Variants in MOB1B observed in about 807,000 individuals in gnomAD.
MOB1B encodes the protein MOB kinase activator 1B.
MOB1B carries 19 observed loss-of-function variants against 24.4 expected under a neutral mutation model. That is an observed-to-expected ratio of 0.78 (90% CI 0.54 to 1.14). The LOEUF is 1.14. Ranked by LOEUF, MOB1B falls within the 50% of genes most tolerant of loss-of-function variation. The pLI, the probability that MOB1B is intolerant of heterozygous loss-of-function variation, is 0.00. For missense variants in MOB1B, 243 were observed against 259.6 expected (o/e 0.94, Z 0.44); for synonymous variants, 76 against 82.1 (o/e 0.93, Z 0.40).
intron 2 of MOB1B, among the ~76,000 whole-genome samples, chr4:70,966,514 A>G (rs1738536544): frequency 6.6e-6 from 1 of 151,954 alleles, no homozygotes; most frequent in Non-Finnish European, 1.5e-5. Context: ...AGCTGGGATT[A>G]CAGGCATGCG....
chr4:70,926,080 T>A (rs1035091244), intron 1 of MOB1B, among the ~76,000 whole-genome samples: 1 of 152,152 alleles, frequency 6.6e-6, no homozygotes, highest in Admixed American at 6.5e-5. Context: ...CTCAACCTCC[T>A]GGGCTCGTGA....
At chr4:70,945,539 G>T (rs1737538580) in intron 1 of MOB1B, among the ~76,000 whole-genome samples, 1 of 152,162 alleles carries the variant, frequency 6.6e-6, no homozygotes, top group African/African-American at 2.4e-5. Flanking sequence ...AGGCCTATTT[G>T]TATAAGCTGA....
chr4:70,903,420 G>T (rs1477119710), intron 1 of MOB1B, among the ~76,000 whole-genome samples: 3 of 152,174 alleles, frequency 2.0e-5, no homozygotes, highest in Non-Finnish European at 4.4e-5. Flanking sequence ...AGAAGGATGG[G>T]ATGGCCAGAT....
chr4:70,942,635 A>T (rs1481786708), intron 1 of MOB1B, among the ~76,000 whole-genome samples: 1 of 152,188 alleles, frequency 6.6e-6, no homozygotes, highest in Non-Finnish European at 1.5e-5. Flanking sequence ...GTTTTATCTA[A>T]AAGATATGTC....
chr4:70,931,665 A>G (rs1396240690), intron 1 of MOB1B, among the ~76,000 whole-genome samples: 1 of 152,228 alleles, frequency 6.6e-6, no homozygotes, highest in East Asian at 1.9e-4. Flanking sequence ...GTATAAATAC[A>G]TTCTGGTGAG....
intron 2 of MOB1B, among the ~76,000 whole-genome samples, chr4:70,968,736 T>C (rs1481016882): frequency 6.6e-6 from 1 of 152,190 alleles, no homozygotes; most frequent in Non-Finnish European, 1.5e-5. Flanking sequence ...TGTCTCAGCC[T>C]TCTGAATGGT....
intron 5 of MOB1B, among the ~76,000 whole-genome samples, chr4:70,980,065 G>A (rs181268924): frequency 3.0e-4 from 46 of 152,238 alleles, no homozygotes; most frequent in African/African-American, 9.9e-4. Context: ...TCTTGAATTC[G>A]TGTTGTTTTT....
intron 1 of MOB1B, among the ~76,000 whole-genome samples, chr4:70,945,338 G>A (rs767578375): frequency 4.6e-5 from 7 of 152,276 alleles, no homozygotes; most frequent in Non-Finnish European, 8.8e-5. Context: ...GATTGCTTTC[G>A]TGATTTTTGT....
chr4:70,982,166 G>C lies in MOB1B; in HGVS notation c.*109G>C, dbSNP rs561511665. ...GGATTGTTTTTGTCCTAGGTTTGGGGGCGGGGGCTTGTTTGGGTTCCTTTT... is the reference window on the plus strand; with the variant it reads ...GGATTGTTTTTGTCCTAGGTTTGGGCGCGGGGGCTTGTTTGGGTTCCTTTT... On this transcript the variant is annotated 3_prime_UTR_variant, in exon 6 of 6. Transcript: ENST00000309395. The C allele has an allele frequency of 2.8e-6, 2 of 714,932 alleles. No individual in the cohort carries two copies. The highest frequency in any genetic ancestry group is 3.6e-5 in the African/African-American group (2 of 55,706). The allele number at this position is 714,932 out of a possible 1,614,324, so 44.3% of individuals were successfully genotyped here. A position where few individuals can be genotyped will look rare whatever the true frequency, so the allele number is the denominator to read the frequency against.
intron 1 of MOB1B, among the ~76,000 whole-genome samples, chr4:70,940,058 G>A (rs1350761847): frequency 6.6e-6 from 1 of 151,924 alleles, no homozygotes; most frequent in Non-Finnish European, 1.5e-5. Flanking sequence ...CTGTCCTGCC[G>A]GTGTGCTCCA....
At chr4:70,941,941 T>C (rs933093391) in intron 1 of MOB1B, among the ~76,000 whole-genome samples, 3 of 152,172 alleles carry the variant, frequency 2.0e-5, no homozygotes, top group African/African-American at 7.2e-5. Flanking sequence ...TTAAACCTCT[T>C]GATTAGAATG....
At position 70,924,493 on chromosome 4, in the gene MOB1B, T is replaced by A. The variant is rs192512228; in HGVS notation, c.14+21943T>A. On this transcript the variant is annotated intron_variant, in intron 1 of 5. Coordinates refer to ENST00000309395, the MANE Select transcript of MOB1B (RefSeq NM_173468.4). ...CATCAAGAACCAACTATTTTTTTTTTAAATTATACTTTAAGTTCTAGGGTA... is the reference window on the plus strand; with the variant it reads ...CATCAAGAACCAACTATTTTTTTTTAAAATTATACTTTAAGTTCTAGGGTA... Among the ~76,000 whole-genome samples, 418 of 152,278 alleles carry A rather than the reference T, an allele frequency of 2.7e-3. 2 individuals carry two copies. Among genetic ancestry groups the A allele is most frequent in the African/African-American group, 8.1e-3 (337 of 41,554 alleles).
intron 4 of MOB1B, chr4:70,976,262 T>C: frequency 1.0e-6 from 1 of 984,296 alleles, no homozygotes; most frequent in Non-Finnish European, 1.2e-6. Flanking sequence ...ATTGAGTAGA[T>C]TGCTAATAAC....
chr4:70,948,343 G>A (rs1347023707), intron 1 of MOB1B, among the ~76,000 whole-genome samples: 3 of 152,014 alleles, frequency 2.0e-5, no homozygotes, highest in Non-Finnish European at 2.9e-5. Flanking sequence ...CTTACAAATC[G>A]CCCGTTTAGA....
intron 1 of MOB1B, among the ~76,000 whole-genome samples, chr4:70,924,995 A>C (rs1255558081): frequency 1.3e-5 from 2 of 152,196 alleles, no homozygotes; most frequent in African/African-American, 4.8e-5. Context: ...ACAGCTAGAC[A>C]TTTGGGAACC....
At chr4:70,939,349 T>C (rs116188610) in intron 1 of MOB1B, among the ~76,000 whole-genome samples, 2,491 of 152,236 alleles carry the variant, frequency 0.016, 66 homozygotes, top group African/African-American at 0.055. Context: ...TTGGAAATTA[T>C]AAAGTAGATG....
chr4:70,902,272 G>A (rs914265579), upstream of MOB1B: 3 of 577,784 alleles, frequency 5.2e-6, no homozygotes, highest in African/African-American at 3.9e-5. Context: ...GGGAGCTGGG[G>A]AGGGGCTCGC....
intron 1 of MOB1B, among the ~76,000 whole-genome samples, chr4:70,947,049 G>A (rs1028586097): frequency 6.6e-6 from 1 of 152,130 alleles, no homozygotes; most frequent in Non-Finnish European, 1.5e-5. Context: ...TGGTGATGTC[G>A]TTTGCAGTTT....
chr4:70,907,689 G>T (rs527890983), intron 1 of MOB1B, among the ~76,000 whole-genome samples: 2 of 152,252 alleles, frequency 1.3e-5, no homozygotes, highest in East Asian at 3.9e-4. Flanking sequence ...GCCAGGTGTG[G>T]TGGCGCTCAG....
Sources: allele counts gnomAD v4.1 joint callset (sites outside exome capture counted in the v4.1 genomes callset), GRCh38; gene constraint gnomAD v4.1.1; transcripts MANE v1.5; gene names NCBI Gene and HGNC (gene_info 2026-07-23, HGNC 2026-07-21).